Variants in ASIC2 observed in about 807,000 individuals in gnomAD.
ASIC2 encodes acid sensing ion channel subunit 2.
Under a neutral mutation model 57.3 loss-of-function variants are expected in ASIC2, and 25 were observed. The observed-to-expected ratio is 0.44, with a 90% CI of 0.32 to 0.61. The LOEUF is 0.61. Ranked by LOEUF, ASIC2 falls within the 20% of genes least tolerant of loss-of-function variation. The pLI is 0.06. For synonymous variants in ASIC2, 319 were observed against 307.5 expected (o/e 1.04, Z -0.39); for missense variants, 641 against 738.1 (o/e 0.87, Z 1.52).
intron 1 of ASIC2, among the ~76,000 whole-genome samples, chr17:33,752,305 T>C (rs943431124): frequency 2.6e-5 from 4 of 152,146 alleles, no homozygotes; most frequent in Non-Finnish European, 4.4e-5. Context: ...TTTATAACCT[T>C]AGCACCACTT....
chr17:33,961,061 A>T (rs1301960056), intron 1 of ASIC2, among the ~76,000 whole-genome samples: 1 of 152,238 alleles, frequency 6.6e-6, no homozygotes, highest in Non-Finnish European at 1.5e-5. Flanking sequence ...GCATGAGATG[A>T]TCAACGCCCA....
chr17:33,970,111 T>C (rs111720845), intron 1 of ASIC2, among the ~76,000 whole-genome samples: 1 of 152,150 alleles, frequency 6.6e-6, no homozygotes, highest in African/African-American at 2.4e-5. Flanking sequence ...GGCTCATTAA[T>C]TCTTTGTTGT....
intron 1 of ASIC2, among the ~76,000 whole-genome samples, chr17:33,829,440 G>A (rs1246776973): frequency 6.6e-6 from 1 of 152,172 alleles, no homozygotes; most frequent in East Asian, 1.9e-4. Flanking sequence ...TGATATTGTT[G>A]TGGATAGTCA....
At position 33,723,265 on chromosome 17, in the gene ASIC2, A is replaced by G. The variant is rs193047788; in HGVS notation, c.555+432713T>C. On this transcript the variant is annotated intron_variant, in intron 1 of 9. Coordinates refer to the ASIC2 transcript ENST00000359872. Reference sequence around the variant, plus strand: ...AAAACTATATTGAATGAAAGAATCCAAACACATGGATGATTTCATTCCAAA... The same window carrying G: ...AAAACTATATTGAATGAAAGAATCCGAACACATGGATGATTTCATTCCAAA... 3.2e-3 allele frequency among the ~76,000 whole-genome samples: 482 copies of G among 152,318 alleles called. 1 individual carries two copies. The highest frequency in any genetic ancestry group is 0.011 in the African/African-American group (468 of 41,568).
chr17:33,094,117 C>T (rs552122653), intron 2 of ASIC2, among the ~76,000 whole-genome samples: 2 of 152,286 alleles, frequency 1.3e-5, no homozygotes, highest in African/African-American at 2.4e-5. Context: ...CTTCTCCACC[C>T]TGCTCTCTGT....
chr17:33,084,905 A>T (rs989118211), intron 3 of ASIC2, among the ~76,000 whole-genome samples: 1 of 152,220 alleles, frequency 6.6e-6, no homozygotes, highest in African/African-American at 2.4e-5. Context: ...TTAAGAAAGC[A>T]ATCTTTGGAC....
intron 1 of ASIC2, chr17:34,006,125 C>T (rs1047698733): frequency 5.3e-5 from 8 of 152,200 alleles, no homozygotes; most frequent in Admixed American, 5.2e-4. Flanking sequence ...CAGTTGGTGC[C>T]CTGATAAAGA....
intron 1 of ASIC2, among the ~76,000 whole-genome samples, chr17:33,598,886 TCAA>T (rs1258613935): frequency 2.0e-5 from 3 of 152,342 alleles, no homozygotes; most frequent in East Asian, 1.9e-4. Context: ...CTAACCTCCC[TCAA>T]CTACTTTGTC....
At chr17:34,102,567 TGGCATATAG>T (rs1287259487) in intron 1 of ASIC2, among the ~76,000 whole-genome samples, 4 of 152,194 alleles carry the variant, frequency 2.6e-5, no homozygotes, top group Non-Finnish European at 5.9e-5. Context: ...TAGAATCATA[TGGCATATAG>T]CCTTTTGTGT....
At chr17:33,177,234 C>T (rs1905796127) in intron 1 of ASIC2, among the ~76,000 whole-genome samples, 1 of 152,204 alleles carries the variant, frequency 6.6e-6, no homozygotes, top group African/African-American at 2.4e-5. Context: ...ATGAATCCAA[C>T]TCATTGAAAA....
At chr17:33,161,727 T>C (rs906989865) in intron 1 of ASIC2, among the ~76,000 whole-genome samples, 1 of 152,194 alleles carries the variant, frequency 6.6e-6, no homozygotes, top group African/African-American at 2.4e-5. Context: ...GGCTGGGGTC[T>C]TTCCCCACGG....
intron 1 of ASIC2, among the ~76,000 whole-genome samples, chr17:33,579,298 A>AT (rs1353148621): frequency 5.3e-5 from 8 of 151,260 alleles, no homozygotes; most frequent in Admixed American, 1.3e-4. Flanking sequence ...AAAAAAAAAA[A>AT]AAAAAATGCA....
intron 1 of ASIC2, among the ~76,000 whole-genome samples, chr17:33,549,254 A>G (rs1049710776): frequency 6.6e-6 from 1 of 152,194 alleles, no homozygotes; most frequent in African/African-American, 2.4e-5. Context: ...TTGAACATGC[A>G]GAGAACCAAA....
intron 1 of ASIC2, among the ~76,000 whole-genome samples, chr17:33,673,177 A>C (rs1907692070): frequency 6.6e-6 from 1 of 152,140 alleles, no homozygotes; most frequent in Admixed American, 6.5e-5. Context: ...GAGGCGGTGA[A>C]GGTTGAAGGG....
At chr17:33,587,189 A>G (rs1307965444) in intron 1 of ASIC2, among the ~76,000 whole-genome samples, 1 of 152,238 alleles carries the variant, frequency 6.6e-6, no homozygotes, top group Non-Finnish European at 1.5e-5. Flanking sequence ...TACTTGCAAC[A>G]GAGATCATAT....
intron 1 of ASIC2, among the ~76,000 whole-genome samples, chr17:33,167,634 G>T (rs1905351869): frequency 1.3e-5 from 2 of 152,150 alleles, no homozygotes; most frequent in Admixed American, 1.3e-4. Context: ...ACTGCCTACT[G>T]TATTAAGCAC....
intron 1 of ASIC2, among the ~76,000 whole-genome samples, chr17:33,537,614 T>A (rs917118798): frequency 3.3e-5 from 5 of 152,174 alleles, no homozygotes; most frequent in Non-Finnish European, 5.9e-5. Flanking sequence ...CAATATGACA[T>A]GATTGAATGT....
chr17:33,833,524 G>GTGTGTACCTATGTGTTTGTGTT (rs1458808372), intron 1 of ASIC2, among the ~76,000 whole-genome samples: 4 of 151,998 alleles, frequency 2.6e-5, no homozygotes, highest in Admixed American at 1.3e-4. Flanking sequence ...GTGTGTGTGT[G>GTGTGTACCTATGTGTTTGTGTT]TGTGTACCTA....
At chr17:33,467,426 C>T (rs901224946) in intron 1 of ASIC2, among the ~76,000 whole-genome samples, 1 of 152,138 alleles carries the variant, frequency 6.6e-6, no homozygotes, top group Admixed American at 6.5e-5. Context: ...TGGATCCCTC[C>T]TCTTGGAAAA....
Sources: gnomAD v4.1 joint callset for allele counts (sites outside exome capture counted in the v4.1 genomes callset) on GRCh38, gnomAD v4.1.1 for gene constraint, MANE v1.5 for transcripts, NCBI Gene and HGNC (gene_info 2026-07-23, HGNC 2026-07-21) for gene names.